The following RPS6KA2 variants were observed in gnomAD, a reference collection of about 807,000 sequenced individuals.
RPS6KA2 encodes ribosomal protein S6 kinase A2, also known as ribosomal protein S6 kinase alpha-2.
RPS6KA2 carries 42 observed loss-of-function variants against 91.8 expected under a neutral mutation model. The ratio of observed to expected loss-of-function variants is 0.46; its 90% confidence interval spans 0.36 to 0.59. The LOEUF (loss-of-function observed/expected upper bound fraction) is 0.59, where lower values mean the gene tolerates loss of function less well. Ranked by LOEUF, RPS6KA2 falls within the 20% of genes least tolerant of loss-of-function variation. RPS6KA2 has a pLI of 0.00. For missense variants in RPS6KA2, 798 were observed against 978.5 expected (o/e 0.82, Z 2.46); for synonymous variants, 414 against 393.6 (o/e 1.05, Z -0.61).
chr6:166,551,226 T>C (rs983311019), intron 1 of RPS6KA2, among the ~76,000 whole-genome samples: 5 of 152,240 alleles, frequency 3.3e-5, no homozygotes, highest in African/African-American at 1.2e-4. Context: ...CCCCTAATCT[T>C]TGAAGGAAGG....
intron 2 of RPS6KA2, among the ~76,000 whole-genome samples, chr6:166,794,341 A>T (rs2128615396): frequency 6.6e-6 from 1 of 152,296 alleles, no homozygotes. Context: ...CGATCATTAA[A>T]AAGTGAGGAA....
intron 2 of RPS6KA2, among the ~76,000 whole-genome samples, chr6:166,715,791 A>C (rs1330027256): frequency 1.3e-5 from 2 of 152,190 alleles, no homozygotes; most frequent in Non-Finnish European, 2.9e-5. Context: ...TAATCCCAGC[A>C]CTTTGGGAGG....
intron 2 of RPS6KA2, among the ~76,000 whole-genome samples, chr6:166,832,522 A>C (rs1460329476): frequency 6.6e-6 from 1 of 152,214 alleles, no homozygotes; most frequent in Non-Finnish European, 1.5e-5. Flanking sequence ...ATAGCCAAAA[A>C]TGGAAATTCT....
intron 8 of RPS6KA2, among the ~76,000 whole-genome samples, chr6:166,498,268 G>A (rs1781867803): frequency 6.6e-6 from 1 of 152,192 alleles, no homozygotes; most frequent in African/African-American, 2.4e-5. Flanking sequence ...AAGAGGGTTC[G>A]ACTCCTCCCA....
Position 166,767,049 on chromosome 6 carries a change from G to C in RPS6KA2, c.123+91151C>G, listed in dbSNP as rs1196313504. Among the ~76,000 whole-genome samples the C allele has an allele frequency of 6.6e-6, 1 of 152,228 alleles. No homozygotes were observed. The highest frequency in any genetic ancestry group is 1.5e-5 in the Non-Finnish European group (1 of 68,042). On this transcript the variant is annotated intron_variant, in intron 2 of 21. Coordinates refer to the RPS6KA2 transcript ENST00000503859. This position sits in a 1 kb window ranked among gnomAD's most constrained non-coding sequence, Gnocchi z 4.6. ...TCTGCACCAACTCACCGCCACGAGAGTGAATGAAGGTCCCTTCCTTACCTG... is the reference window on the plus strand; with the variant it reads ...TCTGCACCAACTCACCGCCACGAGACTGAATGAAGGTCCCTTCCTTACCTG...
At chr6:166,832,976 T>C (rs1468993644) in intron 2 of RPS6KA2, among the ~76,000 whole-genome samples, 1 of 152,246 alleles carries the variant, frequency 6.6e-6, no homozygotes, top group Non-Finnish European at 1.5e-5. Flanking sequence ...CTCTCTTATG[T>C]AAATGCAGTT....
At chr6:166,707,754 T>C (rs969343988) in intron 2 of RPS6KA2, among the ~76,000 whole-genome samples, 1 of 152,112 alleles carries the variant, frequency 6.6e-6, no homozygotes, top group Non-Finnish European at 1.5e-5. Flanking sequence ...CTCTCTCTCT[T>C]TTTTTTCAGG....
At chr6:166,717,903 G>A (rs1264724806) in intron 2 of RPS6KA2, among the ~76,000 whole-genome samples, 2 of 150,662 alleles carry the variant, frequency 1.3e-5, no homozygotes, top group Non-Finnish European at 2.9e-5. Flanking sequence ...AGGCTGGAGT[G>A]CAATGGCACG....
rs997098529 is a variant in RPS6KA2 at position 166,612,450 on chromosome 6, G to A, written c.99+14471C>T. Among the ~76,000 whole-genome samples, 1 of 152,148 alleles carries A rather than the reference G, an allele frequency of 6.6e-6. No individual in the cohort carries two copies. On this transcript the variant is annotated intron_variant, in intron 1 of 20. Coordinates refer to ENST00000265678, the MANE Select transcript of RPS6KA2 (RefSeq NM_021135.6). The surrounding 1 kb of genome is among the most constrained non-coding windows in gnomAD (Gnocchi z 4.3). ...GTCACCTGGCAAAGCTATAACACAC[G>A]GTGGCTCCTGCAGACCCCTGGCTCC... is the stretch of plus-strand genomic sequence containing the variant.
At chr6:166,853,394 C>T (rs570281800) in intron 2 of RPS6KA2, among the ~76,000 whole-genome samples, 1 of 152,346 alleles carries the variant, frequency 6.6e-6, no homozygotes, top group South Asian at 2.1e-4. Context: ...GGAACAAAGA[C>T]GATAAAACAG....
chr6:166,555,375 C>A (rs756235233), intron 1 of RPS6KA2, among the ~76,000 whole-genome samples: 1 of 152,160 alleles, frequency 6.6e-6, no homozygotes, highest in Non-Finnish European at 1.5e-5. Flanking sequence ...TTAAGGATCA[C>A]TTAAGATGTT....
At chr6:166,631,990 C>T (rs1031927402), upstream of RPS6KA2, among the ~76,000 whole-genome samples, 27 of 152,142 alleles carry the variant, frequency 1.8e-4, no homozygotes, top group Non-Finnish European at 5.9e-5. Context: ...CGCTCCTCTC[C>T]GCACATTTCC....
At chr6:166,861,390 G>A (rs979451610) in intron 1 of RPS6KA2, among the ~76,000 whole-genome samples, 3 of 152,030 alleles carry the variant, frequency 2.0e-5, no homozygotes, top group Admixed American at 6.6e-5. Context: ...ATAAATTTGG[G>A]GAACTTTCTC....
At chr6:166,592,732 G>A (rs1419403337) in intron 1 of RPS6KA2, among the ~76,000 whole-genome samples, 2 of 152,046 alleles carry the variant, frequency 1.3e-5, no homozygotes, top group South Asian at 2.1e-4. Context: ...GCCCACCTGC[G>A]GTCTGCCCTT....
At chr6:166,811,081 G>A (rs1298019695) in intron 2 of RPS6KA2, among the ~76,000 whole-genome samples, 3 of 152,230 alleles carry the variant, frequency 2.0e-5, no homozygotes, top group African/African-American at 7.2e-5. Flanking sequence ...ACACTAAGAA[G>A]AGAAAATAAA....
At chr6:166,537,047 G>A (rs572110967) in intron 2 of RPS6KA2, among the ~76,000 whole-genome samples, 104 of 152,366 alleles carry the variant, frequency 6.8e-4, no homozygotes, top group Non-Finnish European at 1.2e-3. Context: ...CCCCAGTTCT[G>A]TGAGGAGGAC....
chr6:166,713,435 A>T (rs1789923722), intron 2 of RPS6KA2, among the ~76,000 whole-genome samples: 1 of 152,244 alleles, frequency 6.6e-6, no homozygotes, highest in Non-Finnish European at 1.5e-5. Context: ...AGTTGGTGGG[A>T]TATCTATGCA....
chr6:166,754,066 C>T (rs1777924403), intron 2 of RPS6KA2, among the ~76,000 whole-genome samples: 1 of 152,154 alleles, frequency 6.6e-6, no homozygotes, highest in Admixed American at 6.5e-5. Context: ...TCCCTGAGGC[C>T]CGAGGTGCAT....
intron 1 of RPS6KA2, among the ~76,000 whole-genome samples, chr6:166,574,052 TTC>T (rs1278669522): frequency 6.6e-6 from 1 of 152,156 alleles, no homozygotes; most frequent in Non-Finnish European, 1.5e-5. Flanking sequence ...GCCGTGGTCA[TTC>T]TCTCTCTACA....
Sources: allele counts gnomAD v4.1 joint callset (sites outside exome capture counted in the v4.1 genomes callset), GRCh38; gene constraint gnomAD v4.1.1; non-coding constraint Gnocchi (gnomAD v3.1); transcripts MANE v1.5; gene names NCBI Gene and HGNC (gene_info 2026-07-23, HGNC 2026-07-21).